Variants in DSCAM observed in about 807,000 individuals in gnomAD.
DSCAM encodes cell adhesion molecule DSCAM.
DSCAM carries 47 observed loss-of-function variants against 217.7 expected under a neutral mutation model. That is an observed-to-expected ratio of 0.22 (90% CI 0.17 to 0.28). DSCAM has a LOEUF of 0.28. DSCAM is among the 10% of genes least tolerant of loss of function. The pLI, the probability that DSCAM is intolerant of heterozygous loss-of-function variation, is 1.00. For missense variants in DSCAM, 2,080 were observed against 2,618.3 expected (o/e 0.79, Z 4.49); for synonymous variants, 1,056 against 1,015.3 (o/e 1.04, Z -0.76).
intron 3 of DSCAM, among the ~76,000 whole-genome samples, chr21:40,391,854 T>C (rs2075136841): frequency 6.6e-6 from 1 of 152,224 alleles, no homozygotes; most frequent in South Asian, 2.1e-4. Context: ...TTGCACAGAC[T>C]AGGCATTAGA....
chr21:40,541,404 C>T (rs1465123280), intron 3 of DSCAM, among the ~76,000 whole-genome samples: 3 of 151,852 alleles, frequency 2.0e-5, no homozygotes, highest in Admixed American at 6.6e-5. Context: ...TTGAAACACA[C>T]GAGAATAAAC....
At chr21:40,255,386 C>T (rs956295349) in intron 11 of DSCAM, among the ~76,000 whole-genome samples, 6 of 152,138 alleles carry the variant, frequency 3.9e-5, no homozygotes, top group African/African-American at 1.4e-4. Context: ...GACTTAAAGG[C>T]GAGGACATTT....
At chr21:40,113,771 G>A (rs189608900) in intron 20 of DSCAM, among the ~76,000 whole-genome samples, 12 of 152,082 alleles carry the variant, frequency 7.9e-5, no homozygotes, top group Non-Finnish European at 1.2e-4. Flanking sequence ...ACCAATAACA[G>A]ACAAACAGAG....
intron 1 of DSCAM, among the ~76,000 whole-genome samples, chr21:40,736,097 T>C (rs2091060726): frequency 6.6e-6 from 1 of 152,168 alleles, no homozygotes; most frequent in Non-Finnish European, 1.5e-5. Flanking sequence ...TCACTTTACT[T>C]AGTATTATCA....
chr21:40,046,551 T>A (rs1189257344), intron 30 of DSCAM, among the ~76,000 whole-genome samples: 1 of 152,196 alleles, frequency 6.6e-6, no homozygotes, highest in East Asian at 1.9e-4. Context: ...AAAAACATTA[T>A]GATGGGGAAG....
chr21:40,725,021 A>T (rs529791803), intron 1 of DSCAM, among the ~76,000 whole-genome samples: 88 of 152,200 alleles, frequency 5.8e-4, no homozygotes, highest in Non-Finnish European at 1.1e-3. Context: ...TTTTTAAAAA[A>T]ACTTTGAAAG....
rs200448771 is a variant in DSCAM at position 40,686,137 on chromosome 21, C to T, written c.508+6673G>A. Among the ~76,000 whole-genome samples, 624 of 147,680 alleles carry T rather than the reference C, an allele frequency of 4.2e-3. 5 individuals carry two copies. The highest frequency in any genetic ancestry group is 0.015 in the African/African-American group (595 of 40,974). ...ACAACACACAGATACAGAGCACACACATCACACACACCCCCTGCATATATC... is the reference window on the plus strand; with the variant it reads ...ACAACACACAGATACAGAGCACACATATCACACACACCCCCTGCATATATC... On this transcript the variant is annotated intron_variant, in intron 3 of 32. Coordinates refer to ENST00000400454, the MANE Select transcript of DSCAM (RefSeq NM_001389.5).
At chr21:40,161,570 A>G (rs905235796) in intron 16 of DSCAM, among the ~76,000 whole-genome samples, 2 of 152,224 alleles carry the variant, frequency 1.3e-5, no homozygotes, top group African/African-American at 4.8e-5. Context: ...CGGAACCTAG[A>G]GTCTAGTCCA....
chr21:40,733,186 A>T (rs1000717254), intron 1 of DSCAM, among the ~76,000 whole-genome samples: 3 of 152,182 alleles, frequency 2.0e-5, no homozygotes, highest in African/African-American at 7.2e-5. Context: ...CCCACTGGAG[A>T]GGCACTTACA....
intron 11 of DSCAM, among the ~76,000 whole-genome samples, chr21:40,199,763 C>T (rs550303827): frequency 3.3e-5 from 5 of 152,100 alleles, no homozygotes; most frequent in Middle Eastern, 3.4e-3. Flanking sequence ...CAACACGCAC[C>T]GGGGCCTGTC....
chr21:40,379,292 T>C (rs1260539297), intron 3 of DSCAM, among the ~76,000 whole-genome samples: 1 of 152,166 alleles, frequency 6.6e-6, no homozygotes, highest in Admixed American at 6.5e-5. Context: ...AAAATGTATT[T>C]TGGAAAAAGA....
chr21:40,341,436 T>C lies in DSCAM; in HGVS notation c.1211-2021A>G, dbSNP rs115100236. Among the ~76,000 whole-genome samples the C allele has an allele frequency of 2.7e-3, 405 of 152,368 alleles. 2 individuals are homozygous for C. Among genetic ancestry groups the C allele is most frequent in the African/African-American group, 9.1e-3 (379 of 41,580 alleles). ...TGTTTAGAAAAATGTTCTTCAGTTA[T>C]ACTTCTCTTTTTGTAGGTAAATTTT... On this transcript the variant is annotated intron_variant, in intron 6 of 32. Coordinates refer to ENST00000400454, the MANE Select transcript of DSCAM (RefSeq NM_001389.5).
At chr21:40,221,482 A>C (rs1409745568) in intron 11 of DSCAM, among the ~76,000 whole-genome samples, 3 of 148,816 alleles carry the variant, frequency 2.0e-5, no homozygotes. Context: ...ATATAAAATA[A>C]TACATATTAT....
chr21:40,674,317 C>T (rs1375506819), intron 3 of DSCAM, among the ~76,000 whole-genome samples: 2 of 152,176 alleles, frequency 1.3e-5, no homozygotes, highest in African/African-American at 4.8e-5. Context: ...GTTGTTGTAG[C>T]ATTAATTTTT....
At chr21:40,357,631 T>G (rs907025136) in intron 4 of DSCAM, among the ~76,000 whole-genome samples, 1 of 152,168 alleles carries the variant, frequency 6.6e-6, no homozygotes, top group African/African-American at 2.4e-5. Context: ...TTCTCTATTA[T>G]TCTGAACTCT....
At chr21:40,176,230 CACA>C (rs1354351910) in intron 15 of DSCAM, among the ~76,000 whole-genome samples, 1 of 152,064 alleles carries the variant, frequency 6.6e-6, no homozygotes, top group African/African-American at 2.4e-5. Flanking sequence ...GGGGAAGAAG[CACA>C]ACAATAGGGG....
At chr21:40,048,587 C>A (rs2088879536) in intron 30 of DSCAM, among the ~76,000 whole-genome samples, 1 of 152,340 alleles carries the variant, frequency 6.6e-6, no homozygotes, top group South Asian at 2.1e-4. Context: ...TTCTACAATG[C>A]AGTCATTCTG....
intron 3 of DSCAM, among the ~76,000 whole-genome samples, chr21:40,494,084 A>G (rs1359320730): frequency 1.3e-5 from 2 of 152,022 alleles, no homozygotes; most frequent in Non-Finnish European, 2.9e-5. Flanking sequence ...GCACACCACT[A>G]AACAAAATCA....
chr21:40,487,322 T>TGAGA (rs1373428913), intron 3 of DSCAM, among the ~76,000 whole-genome samples: 19 of 138,436 alleles, frequency 1.4e-4, no homozygotes, highest in African/African-American at 2.8e-4. Flanking sequence ...TGTGTGTGTG[T>TGAGA]GTGTGAGAGA....
Sources: gnomAD v4.1 joint callset for allele counts (sites outside exome capture counted in the v4.1 genomes callset) on GRCh38, gnomAD v4.1.1 for gene constraint, MANE v1.5 for transcripts, NCBI Gene and HGNC (gene_info 2026-07-23, HGNC 2026-07-21) for gene names.